The following WDHD1 variants were observed in gnomAD, a reference collection of about 807,000 sequenced individuals.
WDHD1 encodes WD repeat and HMG-box DNA-binding protein 1.
In WDHD1, 111 loss-of-function variants were observed where a neutral mutation model predicts 135.4. The observed-to-expected ratio is 0.82, with a 90% confidence interval of 0.70 to 0.96. The LOEUF is 0.96. Ranked by LOEUF, WDHD1 falls within the 40% of genes least tolerant of loss-of-function variation. The pLI is 0.00. For missense variants in WDHD1, 1,351 were observed against 1,336.3 expected, an observed-to-expected ratio of 1.01 and a Z score of -0.17; for synonymous variants, 434 against 439.0, an observed-to-expected ratio of 0.99 and a Z score of 0.14.
At position 55,026,865 on chromosome 14, in the gene WDHD1, G is replaced by C. The variant is rs553642581; in HGVS notation, c.-16-62C>G. ...AAAAGAGAAAAGCAGCGAGGCTAGGGATAGGAAGAGAGCTTAGTCTCCTCT... is the reference window on the plus strand; with the variant it reads ...AAAAGAGAAAAGCAGCGAGGCTAGGCATAGGAAGAGAGCTTAGTCTCCTCT... On this transcript the variant is annotated intron_variant, in intron 1 of 25. Coordinates refer to ENST00000360586, the MANE Select transcript of WDHD1 (RefSeq NM_007086.4). The C allele has an allele frequency of 1.1e-5, 17 of 1,533,446 alleles. 1 individual carries two copies. In the East Asian group the frequency reaches 2.0e-4, roughly 18 times the overall value. 95.0% of individuals were successfully genotyped at this position (1,533,446 alleles called of 1,614,324 possible).
At chr14:54,947,568 T>G (rs1437138313) in intron 24 of WDHD1, among the ~76,000 whole-genome samples, 1 of 152,174 alleles carries the variant, frequency 6.6e-6, no homozygotes, top group Admixed American at 6.5e-5. Context: ...TATATTATGG[T>G]AAAAATGAAA....
intron 16 of WDHD1, among the ~76,000 whole-genome samples, chr14:54,968,133 A>AT (rs2041375510): frequency 6.6e-6 from 1 of 152,092 alleles, no homozygotes; most frequent in Admixed American, 6.6e-5. Flanking sequence ...AGTCTCAAAA[A>AT]TTTTTTTTAA....
At chr14:55,015,050 T>C (rs1439685989) in intron 2 of WDHD1, among the ~76,000 whole-genome samples, 2 of 152,270 alleles carry the variant, frequency 1.3e-5, no homozygotes, top group South Asian at 2.1e-4. Flanking sequence ...CTCCCTTCTA[T>C]AGAGAGTAGA....
At chr14:55,004,072 T>C (rs1371309180) in intron 7 of WDHD1, among the ~76,000 whole-genome samples, 1 of 152,222 alleles carries the variant, frequency 6.6e-6, no homozygotes, top group African/African-American at 2.4e-5. Context: ...ATCTACTTTA[T>C]TAATTTTATT....
chr14:54,962,830 C>A lies in WDHD1; in HGVS notation c.2555G>T (p.Trp852Leu). ...NAGYSNTATE[W>L]SQPRFRNQVE... ...TTGATTTCTGAACCTTGGTTGGCTCCACTCTGTAGCAGTATTGCTGTAACT... is the reference window on the plus strand; with the variant it reads ...TTGATTTCTGAACCTTGGTTGGCTCAACTCTGTAGCAGTATTGCTGTAACT... Residue 852 changes from tryptophan (W) to leucine (L), a missense_variant, in exon 20 of 26, where the codon TGG (tryptophan) becomes TTG (leucine). Coordinates refer to ENST00000360586, the MANE Select transcript of WDHD1 (RefSeq NM_007086.4). 2 of 1,612,806 alleles carry A rather than the reference C, an allele frequency of 1.2e-6. No individual in the cohort carries two copies. The highest frequency in any genetic ancestry group is 1.3e-5 in the African/African-American group (1 of 75,036).
intron 3 of WDHD1, among the ~76,000 whole-genome samples, chr14:55,013,116 C>G (rs914583482): frequency 2.7e-5 from 4 of 148,110 alleles, no homozygotes; most frequent in African/African-American, 1.0e-4. Flanking sequence ...GTCCTAGCTG[C>G]CCGGGAGGCT....
intron 10 of WDHD1, among the ~76,000 whole-genome samples, chr14:54,996,277 GT>G (rs2041877375): frequency 6.6e-6 from 1 of 152,096 alleles, no homozygotes; most frequent in African/African-American, 2.4e-5. Flanking sequence ...TAAAAATAAA[GT>G]GATAGAACCA....
chr14:55,006,594 T>C (rs2042073786), intron 7 of WDHD1, among the ~76,000 whole-genome samples: 1 of 152,224 alleles, frequency 6.6e-6, no homozygotes, highest in African/African-American at 2.4e-5. Context: ...ATGAACATTC[T>C]CTTTCTTCCT....
intron 24 of WDHD1, among the ~76,000 whole-genome samples, chr14:54,947,966 A>G (rs549333371): frequency 6.6e-6 from 1 of 151,660 alleles, no homozygotes; most frequent in East Asian, 2.0e-4. Flanking sequence ...CTGTAATTCC[A>G]GCACTTTGGG....
In WDHD1 at chr14:54,942,107, C is replaced by T. The variant is rs904987172; in HGVS notation, c.3190-417G>A. Among the ~76,000 whole-genome samples, 7 of 151,900 alleles carry T rather than the reference C, an allele frequency of 4.6e-5. No individual in the cohort carries two copies. The South Asian group carries it at 6.2e-4, about 14-fold the overall frequency. ...CTACTAAAAATACAAAAAAATTAGC[C>T]GGGCATGGTAGCGGGCGCCTGTAGT... On this transcript the variant is annotated intron_variant, in intron 25 of 25. Coordinates refer to ENST00000360586, the MANE Select transcript of WDHD1 (RefSeq NM_007086.4).
intron 21 of WDHD1, among the ~76,000 whole-genome samples, chr14:54,962,049 C>G (rs971117047): frequency 6.6e-5 from 10 of 152,256 alleles, no homozygotes; most frequent in African/African-American, 2.2e-4. Context: ...GTTGGCCAGG[C>G]TAGTCTAGAA....
intron 23 of WDHD1, 48 bp from the exon 24 acceptor site, chr14:54,955,742 T>A (rs375482833): frequency 9.4e-6 from 13 of 1,377,390 alleles, no homozygotes; most frequent in Non-Finnish European, 1.1e-5. Flanking sequence ...TATAATTTTA[T>A]ATGTTTTATA....
chr14:54,957,727 TA>T, intron 21 of WDHD1, 92 bp from the exon 22 acceptor site: 1 of 1,072,382 alleles, frequency 9.3e-7, no homozygotes, highest in Non-Finnish European at 1.4e-6. Context: ...TAATCCCCAT[TA>T]AATGAAAACA....
intron 11 of WDHD1, among the ~76,000 whole-genome samples, chr14:54,991,840 T>G (rs1338744359): frequency 6.6e-6 from 1 of 152,198 alleles, no homozygotes; most frequent in Non-Finnish European, 1.5e-5. Flanking sequence ...AAAAAACACA[T>G]GCCAGATAAA....
intron 2 of WDHD1, among the ~76,000 whole-genome samples, chr14:55,019,677 T>C (rs1229497904): frequency 6.6e-6 from 1 of 152,192 alleles, no homozygotes; most frequent in African/African-American, 2.4e-5. Flanking sequence ...AAGACTAGCC[T>C]GGCCAACATG....
In WDHD1 at chr14:54,939,071, AAT is replaced by A. The variant is rs1428908623; in HGVS notation, c.*2417_*2418del. On this transcript the variant is annotated 3_prime_UTR_variant, in exon 26 of 26. Transcript: ENST00000360586. ...AAAGCATACATGATAAAATGTCAAC[AAT>A]AAGACAAACTAGAGGAAGGATATAC... 1 of 152,228 alleles carries A rather than the reference AAT, an allele frequency of 6.6e-6. No individual in the cohort carries two copies. Among genetic ancestry groups the A allele is most frequent in the African/African-American group, 2.4e-5 (1 of 41,454 alleles). 9.4% of individuals were successfully genotyped at this position (152,228 alleles called of 1,614,324 possible).
intron 24 of WDHD1, among the ~76,000 whole-genome samples, chr14:54,952,857 A>G (rs1387459147): frequency 6.6e-6 from 1 of 152,242 alleles, no homozygotes; most frequent in African/African-American, 2.4e-5. Context: ...CAAACATGAC[A>G]AAAACAAGAA....
At chr14:54,979,562 AGTCACC>A (rs1209794299) in intron 16 of WDHD1, among the ~76,000 whole-genome samples, 2 of 152,196 alleles carry the variant, frequency 1.3e-5, no homozygotes, top group Non-Finnish European at 2.9e-5. Context: ...CTTTTATCAG[AGTCACC>A]GTTAACCTCC....
At chr14:55,008,275 G>T in intron 6 of WDHD1, 41 bp downstream of exon 6, 1 of 1,592,814 alleles carries the variant, frequency 6.3e-7, no homozygotes, top group Non-Finnish European at 8.6e-7. Flanking sequence ...ATTTATTACA[G>T]AAATGGGCAA....
Sources: allele counts gnomAD v4.1 joint callset (sites outside exome capture counted in the v4.1 genomes callset), GRCh38; gene constraint gnomAD v4.1.1; transcripts MANE v1.5; gene names NCBI Gene and HGNC (gene_info 2026-07-23, HGNC 2026-07-21).